LDB2: variants seen among roughly 807,000 people sequenced by gnomAD.
LDB2 encodes the protein LIM domain binding 2.
Under a neutral mutation model 44.3 loss-of-function variants are expected in LDB2, and 12 were observed. The observed-to-expected ratio is 0.27, with a 90% CI of 0.17 to 0.44. LDB2 has a LOEUF of 0.44. Among genes scored for constraint, LDB2 ranks in the 20% least tolerant of loss-of-function variants. The pLI is 1.00. For synonymous variants in LDB2, 164 were observed against 174.8 expected (o/e 0.94, Z 0.49); for missense variants, 344 against 473.5 (o/e 0.73, Z 2.54).
chr4:16,720,230 GAAA>G (rs1757963603), intron 2 of LDB2, among the ~76,000 whole-genome samples: 1 of 149,370 alleles, frequency 6.7e-6, no homozygotes, highest in Non-Finnish European at 1.5e-5. Flanking sequence ...TTGACTTTAA[GAAA>G]GATTATCCTA....
intron 2 of LDB2, among the ~76,000 whole-genome samples, chr4:16,668,436 G>A (rs984870311): frequency 6.6e-6 from 1 of 152,172 alleles, no homozygotes. Context: ...AAATCCTGCT[G>A]TCTCCCAAGC....
At chr4:16,556,834 GA>G (rs1367604962) in intron 5 of LDB2, among the ~76,000 whole-genome samples, 6 of 152,192 alleles carry the variant, frequency 3.9e-5, no homozygotes, top group Non-Finnish European at 8.8e-5. Context: ...ACATTTTTAA[GA>G]AGGGAAGAAA....
intron 5 of LDB2, among the ~76,000 whole-genome samples, chr4:16,560,992 A>C (rs1418811687): frequency 6.6e-6 from 1 of 152,248 alleles, no homozygotes; most frequent in East Asian, 1.9e-4. Context: ...AAAGATGCAG[A>C]AAAGACCTTT....
At position 16,883,191 on chromosome 4, in the gene LDB2, G is replaced by A. The variant is rs1394859378; in HGVS notation, c.132+15163C>T. ...GGTGGGAGAAAAAGAGCTGAAGGAG[G>A]CTCAGAAGAGGGCCAAAAATACGTT... On this transcript the variant is annotated intron_variant, in intron 1 of 7. Coordinates refer to ENST00000304523, the MANE Select transcript of LDB2 (RefSeq NM_001290.5). Among the ~76,000 whole-genome samples, 4 of 152,304 alleles carry A rather than the reference G, an allele frequency of 2.6e-5. No homozygotes were observed. In the East Asian group the frequency reaches 7.7e-4, roughly 29 times the overall value.
chr4:16,862,257 T>A (rs1712857957), intron 1 of LDB2, among the ~76,000 whole-genome samples: 1 of 151,290 alleles, frequency 6.6e-6, no homozygotes, highest in African/African-American at 2.5e-5. Flanking sequence ...TTTTTTTTTT[T>A]TATTTTTCTC....
rs75944848 is a variant in LDB2, at chr4:16,508,449, T to C, written c.891+86A>G. The C allele has an allele frequency of 2.0e-5, 25 of 1,238,602 alleles. No homozygotes were observed. In the East Asian group the frequency reaches 2.8e-4, roughly 14 times the overall value. 76.7% of individuals were successfully genotyped at this position (1,238,602 alleles called of 1,614,324 possible). A position where few individuals can be genotyped will look rare whatever the true frequency, so the allele number is the denominator to read the frequency against. ...ACCTGCCCAGGATTTTTTTTTTTTT[T>C]CTAATGAAAAGAGACTTTAATTTGG... On this transcript the variant is annotated intron_variant, in intron 7 of 7. Transcript: ENST00000304523.
At chr4:16,817,277 T>A (rs959577558) in intron 1 of LDB2, among the ~76,000 whole-genome samples, 1 of 152,220 alleles carries the variant, frequency 6.6e-6, no homozygotes, top group African/African-American at 2.4e-5. Flanking sequence ...TAGAGAGATA[T>A]AATTCCTATT....
chr4:16,665,309 A>AGGCT (rs1383846972), intron 2 of LDB2, among the ~76,000 whole-genome samples: 2 of 124,984 alleles, frequency 1.6e-5, no homozygotes, highest in African/African-American at 6.2e-5. Flanking sequence ...TCTGTCACCC[A>AGGCT]GGCTGGAGTG....
chr4:16,674,172 C>T, intron 2 of LDB2: 1 of 1,161,900 alleles, frequency 8.6e-7, no homozygotes, highest in Non-Finnish European at 1.1e-6. Flanking sequence ...CGCCTTAAAA[C>T]AAATTAGAAA....
At chr4:16,860,899 G>A (rs1400527177) in intron 1 of LDB2, among the ~76,000 whole-genome samples, 2 of 148,826 alleles carry the variant, frequency 1.3e-5, no homozygotes, top group East Asian at 4.2e-4. Context: ...ATACCCCAGG[G>A]GCATTCCTAC....
At chr4:16,813,072 A>T (rs1185248192) in intron 1 of LDB2, among the ~76,000 whole-genome samples, 1 of 151,738 alleles carries the variant, frequency 6.6e-6, no homozygotes, top group Non-Finnish European at 1.5e-5. Flanking sequence ...ATCTCAGCTC[A>T]CTGCAACCTT....
chr4:16,551,918 A>T (rs997115462), intron 5 of LDB2, among the ~76,000 whole-genome samples: 1 of 152,196 alleles, frequency 6.6e-6, no homozygotes, highest in African/African-American at 2.4e-5. Context: ...GTGGTATGCA[A>T]ATATCCTCTC....
At chr4:16,782,107 T>C (rs983961790) in intron 1 of LDB2, among the ~76,000 whole-genome samples, 2 of 152,188 alleles carry the variant, frequency 1.3e-5, no homozygotes, top group Non-Finnish European at 2.9e-5. Flanking sequence ...TGAGGACCAC[T>C]GAATTCCATA....
intron 1 of LDB2, among the ~76,000 whole-genome samples, chr4:16,800,623 T>A (rs1777610503): frequency 6.6e-6 from 1 of 151,888 alleles, no homozygotes; most frequent in East Asian, 1.9e-4. Context: ...TGATAGGGAG[T>A]CATATAAAAT....
At chr4:16,676,935 A>G (rs1032207146) in intron 2 of LDB2, among the ~76,000 whole-genome samples, 1 of 152,196 alleles carries the variant, frequency 6.6e-6, no homozygotes, top group African/African-American at 2.4e-5. Context: ...CCAGATGGTG[A>G]GGCCAGAACA....
chr4:16,718,753 T>C (rs1757613398), intron 2 of LDB2, among the ~76,000 whole-genome samples: 1 of 152,124 alleles, frequency 6.6e-6, no homozygotes, highest in African/African-American at 2.4e-5. Context: ...CTTAGAGAAA[T>C]CAGTCTTTCC....
intron 2 of LDB2, among the ~76,000 whole-genome samples, chr4:16,613,859 A>G (rs568480202): frequency 1.7e-4 from 26 of 152,236 alleles, no homozygotes; most frequent in Non-Finnish European, 3.4e-4. Context: ...TAATTTATAG[A>G]TTCAATGCTA....
chr4:16,664,011 A>T (rs923117598), intron 2 of LDB2, among the ~76,000 whole-genome samples: 8 of 149,170 alleles, frequency 5.4e-5, no homozygotes, highest in Non-Finnish European at 8.9e-5. Context: ...GGGGCAAAGC[A>T]ATGTTAAGTT....
At chr4:16,570,471 A>G (rs1746093160) in intron 5 of LDB2, among the ~76,000 whole-genome samples, 1 of 93,170 alleles carries the variant, frequency 1.1e-5, no homozygotes, top group Non-Finnish European at 1.9e-5. Flanking sequence ...TCAAAAAAAA[A>G]AAAAAAAAAA....
Sources: gnomAD v4.1 joint callset for allele counts (sites outside exome capture counted in the v4.1 genomes callset) on GRCh38, gnomAD v4.1.1 for gene constraint, MANE v1.5 for transcripts, NCBI Gene and HGNC (gene_info 2026-07-23, HGNC 2026-07-21) for gene names.